The following ATRX variants were observed in gnomAD, a reference collection of about 807,000 sequenced individuals.
The protein encoded by ATRX is chromatin remodeler ATRX.
A neutral mutation model predicts 172.6 loss-of-function variants in ATRX; 12 were observed. That is an observed-to-expected ratio of 0.07 (90% CI 0.04 to 0.11). The LOEUF (loss-of-function observed/expected upper bound fraction) is 0.11. Ranked by LOEUF, ATRX falls within the 10% of genes least tolerant of loss-of-function variation. ATRX has a pLI of 1.00. For synonymous variants in ATRX, 674 were observed against 594.7 expected (o/e 1.13, Z -1.94); for missense variants, 1,368 against 1,767.4 (o/e 0.77, Z 4.05).
At chrX:77,570,175 T>C (rs1266449703) in intron 28 of ATRX, among the ~76,000 whole-genome samples, 13 of 108,449 alleles carry the variant, frequency 1.2e-4, no homozygotes, top group African/African-American at 2.7e-4. Flanking sequence ...GTATGGTTTT[T>C]TCTTCGTTCT....
At chrX:77,562,824 G>C (rs2065064936) in intron 28 of ATRX, among the ~76,000 whole-genome samples, 1 of 112,207 alleles carries the variant, frequency 8.9e-6, no homozygotes, top group African/African-American at 3.2e-5. Context: ...TGGGATTGCA[G>C]GCCTGAGCCA....
intron 30 of ATRX, among the ~76,000 whole-genome samples, chrX:77,551,141 A>G (rs1557055934): frequency 1.8e-5 from 2 of 111,942 alleles, no homozygotes; most frequent in Non-Finnish European, 3.8e-5. Context: ...GAACCAAAAA[A>G]GACCCCGCAT....
At chrX:77,719,862 C>G (rs1207271084) in intron 1 of ATRX, among the ~76,000 whole-genome samples, 1 of 111,720 alleles carries the variant, frequency 9.0e-6, no homozygotes, top group African/African-American at 3.3e-5. Context: ...CTCTTGACCC[C>G]AAAGCAACAG....
chrX:77,770,875 T>G (rs1312255526), intron 1 of ATRX, among the ~76,000 whole-genome samples: 3 of 112,027 alleles, frequency 2.7e-5, no homozygotes, highest in African/African-American at 9.7e-5. Flanking sequence ...CTAGTTTTAG[T>G]TTTATATAAA....
intron 26 of ATRX, among the ~76,000 whole-genome samples, chrX:77,592,025 C>A (rs1395879493): frequency 8.9e-6 from 1 of 111,735 alleles, no homozygotes; most frequent in African/African-American, 3.3e-5. Flanking sequence ...CAGTTGCAGA[C>A]AACATGAAGA....
At chrX:77,673,247 T>C (rs1020193373) in intron 10 of ATRX, among the ~76,000 whole-genome samples, 19 of 111,475 alleles carry the variant, frequency 1.7e-4, no homozygotes, top group African/African-American at 6.1e-4. Context: ...TATGAATAGA[T>C]GTCTTTTCAG....
At chrX:77,667,854 G>C (rs1040577110) in intron 10 of ATRX, among the ~76,000 whole-genome samples, 1 of 111,518 alleles carries the variant, frequency 9.0e-6, no homozygotes, top group Non-Finnish European at 1.9e-5. Context: ...ACATTCAGAA[G>C]CCAAAAAATT....
intron 1 of ATRX, among the ~76,000 whole-genome samples, chrX:77,763,112 C>T (rs2075780178): frequency 9.2e-6 from 1 of 109,245 alleles, no homozygotes; most frequent in South Asian, 3.9e-4. Flanking sequence ...TAGGGGGTTT[C>T]GTTATTTTAT....
intron 25 of ATRX, among the ~76,000 whole-genome samples, chrX:77,597,470 A>G (rs45477801): frequency 0.029 from 3,174 of 111,195 alleles, 112 homozygotes; most frequent in African/African-American, 0.098. Context: ...CAAAAAAACA[A>G]AAACACAAAA....
At chrX:77,732,519 A>G (rs1177760755) in intron 1 of ATRX, among the ~76,000 whole-genome samples, 2 of 112,148 alleles carry the variant, frequency 1.8e-5, no homozygotes, top group Non-Finnish European at 3.8e-5. Context: ...TCTGATAAAT[A>G]TTGCTGCAAA....
intron 29 of ATRX, among the ~76,000 whole-genome samples, chrX:77,558,169 T>C (rs1160517577): frequency 2.7e-5 from 3 of 110,676 alleles, no homozygotes; most frequent in Non-Finnish European, 5.7e-5. Context: ...ATTAAATGTA[T>C]ACATTATATT....
intron 30 of ATRX, among the ~76,000 whole-genome samples, chrX:77,556,438 AAG>A (rs1214083609): frequency 1.1e-5 from 1 of 94,753 alleles, no homozygotes; most frequent in Non-Finnish European, 2.1e-5. Context: ...GGGAGGGGAG[AAG>A]AGAGAAAGAA....
intron 1 of ATRX, among the ~76,000 whole-genome samples, chrX:77,784,637 C>T (rs1425206625): frequency 1.8e-5 from 2 of 111,795 alleles, no homozygotes; most frequent in Non-Finnish European, 3.8e-5. Flanking sequence ...TTTGAGCCTA[C>T]TGACAAATTC....
chrX:77,671,295 T>A (rs1397986228), intron 10 of ATRX, among the ~76,000 whole-genome samples: 1 of 101,822 alleles, frequency 9.8e-6, no homozygotes, highest in Non-Finnish European at 2.0e-5. Flanking sequence ...GTTTGAAATA[T>A]TTTTTTTTAG....
chrX:77,549,595 G>A (rs1054073018), intron 30 of ATRX, among the ~76,000 whole-genome samples: 30 of 111,908 alleles, frequency 2.7e-4, no homozygotes, highest in African/African-American at 9.7e-4. Flanking sequence ...TTAACAAATC[G>A]GTATTGCTAG....
rs2148580245 is a variant in ATRX at position 77,682,084 on chromosome X, C to T, written c.3172G>A (p.Asp1058Asn). The change falls in exon 9 of 35, where the codon GAT (aspartate) becomes AAT (asparagine). Residue 1058 changes from aspartate (D) to asparagine (N), a missense_variant. Transcript: ENST00000373344. ...TTCTCAGCATAATCAGATAATTCAT[C>T]CTTCTTTTTAGAAGTTTTATCTCTT... is the stretch of plus-strand genomic sequence containing the variant. ...KIRDKTSKKK[D>N]ELSDYAEKST... is the part of the protein sequence containing the mutation. 1.7e-6 allele frequency: 2 copies of T among 1,210,119 alleles called. No homozygotes were observed. Among genetic ancestry groups the T allele is most frequent in the Non-Finnish European group, 2.2e-6 (2 of 894,327 alleles).
At chrX:77,671,637 AAC>A (rs2148525473) in intron 10 of ATRX, among the ~76,000 whole-genome samples, 1 of 111,126 alleles carries the variant, frequency 9.0e-6, no homozygotes, top group South Asian at 3.7e-4. Context: ...GAAAAATGAA[AAC>A]ACAGAATTTA....
intron 1 of ATRX, among the ~76,000 whole-genome samples, chrX:77,752,075 A>T (rs781916447): frequency 8.9e-6 from 1 of 111,919 alleles, no homozygotes; most frequent in Non-Finnish European, 1.9e-5. Context: ...TACTTTGGGC[A>T]GTATGGCCAT....
At chrX:77,658,038 G>T (rs2148465915) in intron 12 of ATRX, among the ~76,000 whole-genome samples, 1 of 109,997 alleles carries the variant, frequency 9.1e-6, no homozygotes, top group African/African-American at 3.3e-5. Context: ...GGGAGATTCT[G>T]TCTCTACAAA....
Sources: allele counts gnomAD v4.1 joint callset (sites outside exome capture counted in the v4.1 genomes callset), GRCh38; gene constraint gnomAD v4.1.1; transcripts MANE v1.5; gene names NCBI Gene and HGNC (gene_info 2026-07-23, HGNC 2026-07-21).